Variants in UBE2E3 observed in about 807,000 individuals in gnomAD.
UBE2E3 encodes the protein ubiquitin conjugating enzyme E2 E3, also known as ubiquitin-conjugating enzyme E2 E3.
Under a neutral mutation model 23.6 loss-of-function variants are expected in UBE2E3, and 5 were observed. The observed-to-expected ratio is 0.21, with a 90% CI of 0.11 to 0.44. The LOEUF (loss-of-function observed/expected upper bound fraction) is 0.44. Among genes scored for constraint, UBE2E3 ranks in the 20% least tolerant of loss-of-function variants. The pLI, the probability that UBE2E3 is intolerant of heterozygous loss-of-function variation, is 0.99. For missense variants in UBE2E3, 81 were observed against 249.8 expected (o/e 0.32, Z 4.55); for synonymous variants, 78 against 87.5 (o/e 0.89, Z 0.60).
In UBE2E3 at chr2:181,018,168, G is replaced by A. The variant is rs1685554284; in HGVS notation, c.245+34075G>A. On this transcript the variant is annotated intron_variant, in intron 3 of 5. Coordinates refer to ENST00000410062, the MANE Select transcript of UBE2E3 (RefSeq NM_006357.4). ...CTGCTGGCTGTCTTCTAAAATGAAT[G>A]TTCTTGAATGTATAATAAAAACAGT... Among the ~76,000 whole-genome samples the A allele has an allele frequency of 4.1e-5, 6 of 145,438 alleles. No homozygotes were observed. In the South Asian group the frequency reaches 1.3e-3, roughly 32 times the overall value.
At chr2:180,989,939 T>A in intron 3 of UBE2E3, 1 of 1,549,356 alleles carries the variant, frequency 6.5e-7, no homozygotes, top group Non-Finnish European at 8.7e-7. Flanking sequence ...ATGAAGAACT[T>A]GTCCTTTCAG....
Position 181,057,699 on chromosome 2 carries a change from G to A in UBE2E3, c.252G>A (p.Gly84=). The A allele has an allele frequency of 6.2e-7, 1 of 1,607,822 alleles. No individual in the cohort carries two copies. Residue 84 remains glycine (G), a synonymous_variant, in exon 4 of 6, where the codon GGG becomes GGA. Transcript: ENST00000410062. ...TLDPPPNCSA[G]PKGDNIYEWR... ...TTTAATTTCTTTTAAATAGTGCTGG[G>A]CCTAAAGGAGATAACATTTATGAAT...
intron 3 of UBE2E3, among the ~76,000 whole-genome samples, chr2:181,030,068 A>G (rs1686027811): frequency 2.0e-5 from 3 of 151,856 alleles, no homozygotes; most frequent in African/African-American, 2.4e-5. Context: ...CCTTGACCTC[A>G]TGATCCACCT....
chr2:181,025,403 A>G (rs1312456345), intron 3 of UBE2E3, among the ~76,000 whole-genome samples: 1 of 151,534 alleles, frequency 6.6e-6, no homozygotes, highest in Non-Finnish European at 1.5e-5. Context: ...GATATTATCT[A>G]TTTTTTCCCT....
At chr2:181,045,936 G>A (rs1234659899) in intron 3 of UBE2E3, among the ~76,000 whole-genome samples, 1 of 151,806 alleles carries the variant, frequency 6.6e-6, no homozygotes, top group Admixed American at 6.6e-5. Flanking sequence ...ACTCTTTTTG[G>A]AATATAGTCT....
intron 3 of UBE2E3, among the ~76,000 whole-genome samples, chr2:181,002,140 T>C (rs918534504): frequency 6.6e-6 from 1 of 152,136 alleles, no homozygotes; most frequent in South Asian, 2.1e-4. Context: ...AGGGATGAGG[T>C]TGACTTTATG....
intron 3 of UBE2E3, among the ~76,000 whole-genome samples, chr2:181,009,880 T>G (rs1470914262): frequency 6.6e-6 from 1 of 152,116 alleles, no homozygotes; most frequent in Non-Finnish European, 1.5e-5. Context: ...GCTTTTTCTA[T>G]TATTAATGTA....
intron 3 of UBE2E3, chr2:180,989,843 G>A (rs1464726452): frequency 1.2e-5 from 19 of 1,527,652 alleles, no homozygotes; most frequent in Non-Finnish European, 1.6e-5. Context: ...CTCCTTAAAT[G>A]AGTTGCTGTA....
chr2:180,991,257 C>T lies in UBE2E3; in HGVS notation c.245+7164C>T, dbSNP rs563281468. Reference sequence around the variant, plus strand: ...TCTGTGGGGAATACATTTCAAGACTCCCTAGTGGATGCCTGAAAGTTGAGA... The same window carrying T: ...TCTGTGGGGAATACATTTCAAGACTTCCTAGTGGATGCCTGAAAGTTGAGA... On this transcript the variant is annotated intron_variant, in intron 3 of 5. Coordinates refer to ENST00000410062, the MANE Select transcript of UBE2E3 (RefSeq NM_006357.4). 3.9e-5 allele frequency among the ~76,000 whole-genome samples: 6 copies of T among 152,018 alleles called. No homozygotes were observed. The South Asian group carries it at 1.2e-3, about 32-fold the overall frequency.
intron 5 of UBE2E3, among the ~76,000 whole-genome samples, chr2:181,062,584 T>A (rs1574230828): frequency 1.3e-4 from 1 of 7,836 alleles, no homozygotes; most frequent in South Asian, 7.7e-3. Context: ...TCAAAATTCA[T>A]TTTTTTTTTT....
chr2:180,992,467 A>G (rs1382136239), intron 3 of UBE2E3, among the ~76,000 whole-genome samples: 1 of 152,210 alleles, frequency 6.6e-6, no homozygotes, highest in African/African-American at 2.4e-5. Flanking sequence ...CAGTGGCTCA[A>G]TGTATAAAGA....
chr2:181,012,297 A>C (rs1342124402), intron 3 of UBE2E3, among the ~76,000 whole-genome samples: 1 of 152,212 alleles, frequency 6.6e-6, no homozygotes, highest in African/African-American at 2.4e-5. Context: ...AACTGAAGCA[A>C]ATATTTTGTC....
intron 3 of UBE2E3, among the ~76,000 whole-genome samples, chr2:181,008,822 T>C (rs1288096457): frequency 1.3e-5 from 2 of 152,176 alleles, no homozygotes; most frequent in East Asian, 1.9e-4. Flanking sequence ...TTAATTTCTT[T>C]AGAGCTAAGC....
chr2:180,996,357 T>A (rs72883532), intron 3 of UBE2E3, among the ~76,000 whole-genome samples: 35,303 of 152,150 alleles, frequency 0.23, 4,467 homozygotes, highest in Non-Finnish European at 0.28. Flanking sequence ...ATCTTTATTA[T>A]AACTATAGGT....
At position 180,983,793 on chromosome 2, in the gene UBE2E3, ATGAG is replaced by A. The variant is rs577703500; in HGVS notation, c.195-248_195-245del. Among the ~76,000 whole-genome samples, 6 of 152,346 alleles carry A rather than the reference ATGAG, an allele frequency of 3.9e-5. No homozygotes were observed. In the East Asian group the frequency reaches 9.6e-4, roughly 24 times the overall value. On this transcript the variant is annotated intron_variant, in intron 2 of 5. Coordinates refer to ENST00000410062, the MANE Select transcript of UBE2E3 (RefSeq NM_006357.4). Reference sequence around the variant, plus strand: ...TATATTCTTTACTGAGTACTAGTGGATGAGTATTTCTCCAATCAAGTGTAAATGA... The same window carrying A: ...TATATTCTTTACTGAGTACTAGTGGATATTTCTCCAATCAAGTGTAAATGA...
At chr2:181,045,035 T>G (rs1338962212) in intron 3 of UBE2E3, among the ~76,000 whole-genome samples, 1 of 152,194 alleles carries the variant, frequency 6.6e-6, no homozygotes, top group Non-Finnish European at 1.5e-5. Context: ...ACCTTGTGTT[T>G]ATGCTTTTAC....
intron 3 of UBE2E3, among the ~76,000 whole-genome samples, chr2:180,995,105 C>G (rs1684784901): frequency 6.6e-6 from 1 of 152,032 alleles, no homozygotes; most frequent in Non-Finnish European, 1.5e-5. Context: ...GTTCATCACT[C>G]CAGTAAATTG....
intron 3 of UBE2E3, among the ~76,000 whole-genome samples, chr2:180,992,684 C>CAG (rs929080623): frequency 3.9e-5 from 6 of 151,920 alleles, no homozygotes; most frequent in Non-Finnish European, 8.8e-5. Flanking sequence ...TTTTTGGAGA[C>CAG]AGAGTCTCAC....
At chr2:181,034,460 A>T (rs969173411) in intron 3 of UBE2E3, among the ~76,000 whole-genome samples, 3 of 152,198 alleles carry the variant, frequency 2.0e-5, no homozygotes, top group Admixed American at 2.0e-4. Context: ...TCTCACTCAT[A>T]GGTGGGAATT....
Sources: gnomAD v4.1 joint callset for allele counts (sites outside exome capture counted in the v4.1 genomes callset) on GRCh38, gnomAD v4.1.1 for gene constraint, MANE v1.5 for transcripts, NCBI Gene and HGNC (gene_info 2026-07-23, HGNC 2026-07-21) for gene names.